The following RPGRIP1 variants were observed in gnomAD, a reference collection of about 807,000 sequenced individuals.
The protein encoded by RPGRIP1 is X-linked retinitis pigmentosa GTPase regulator-interacting protein 1.
A neutral mutation model predicts 157.9 loss-of-function variants in RPGRIP1; 128 were observed. That is an observed-to-expected ratio of 0.81 (90% CI 0.70 to 0.94). RPGRIP1 has a LOEUF of 0.94. RPGRIP1 is among the 40% of genes least tolerant of loss of function. RPGRIP1 has a pLI of 0.00. For missense variants in RPGRIP1, 1,486 were observed against 1,545.8 expected, an observed-to-expected ratio of 0.96 and a Z score of 0.65; for synonymous variants, 554 against 571.6, an observed-to-expected ratio of 0.97 and a Z score of 0.44.
intron 21 of RPGRIP1, among the ~76,000 whole-genome samples, chr14:21,341,083 T>C (rs1030039625): frequency 6.6e-6 from 1 of 152,212 alleles, no homozygotes; most frequent in African/African-American, 2.4e-5. Flanking sequence ...TCTCACTCTG[T>C]TGCCCAGGCT....
chr14:21,335,910 T>A (rs532578363), intron 21 of RPGRIP1, among the ~76,000 whole-genome samples: 33 of 152,350 alleles, frequency 2.2e-4, no homozygotes, highest in African/African-American at 7.0e-4. Context: ...ACAATTACTC[T>A]TAAGTCGCTG....
chr14:21,281,704 A>AAAAATAAT (rs368706187), intron 1 of RPGRIP1, among the ~76,000 whole-genome samples: 2 of 133,996 alleles, frequency 1.5e-5, no homozygotes, highest in African/African-American at 5.9e-5. Context: ...AAAAAAAAAT[A>AAAAATAAT]AATAATAATA....
intron 22 of RPGRIP1, among the ~76,000 whole-genome samples, chr14:21,343,876 T>G (rs1445689901): frequency 5.7e-5 from 3 of 52,456 alleles, no homozygotes; most frequent in Admixed American, 2.0e-4. Context: ...GTTTTTTTTT[T>G]TTTTTTTTTT....
At chr14:21,318,496 G>T (rs754441110) in intron 11 of RPGRIP1, among the ~76,000 whole-genome samples, 4 of 152,026 alleles carry the variant, frequency 2.6e-5, no homozygotes, top group Admixed American at 1.3e-4. Flanking sequence ...TTTTGTTTCT[G>T]AGAGAGTCTC....
In RPGRIP1 at chr14:21,334,114, G is replaced by A. The variant is rs184462663; in HGVS notation, c.3239-491G>A. 3.4e-3 allele frequency among the ~76,000 whole-genome samples: 514 copies of A among 151,990 alleles called. 2 individuals carry two copies. The highest frequency in any genetic ancestry group is 0.012 in the African/African-American group (494 of 41,450). The stretch of plus-strand genomic sequence containing the variant: ...ATTTTGCATTTTTAGTAGAGACGGG[G>A]CTTCACCATGTTGGCCAGGCTGGTC... On this transcript the variant is annotated intron_variant, in intron 20 of 24. Coordinates refer to ENST00000400017, the MANE Select transcript of RPGRIP1 (RefSeq NM_020366.4).
chr14:21,297,500 G>A (rs1209293344), intron 3 of RPGRIP1, among the ~76,000 whole-genome samples: 1 of 152,130 alleles, frequency 6.6e-6, no homozygotes, highest in Non-Finnish European at 1.5e-5. Context: ...ACGGAGGTGA[G>A]GGAAGGTAAA....
At position 21,325,287 on chromosome 14, in the gene RPGRIP1, C is replaced by T. The variant is rs1234509767; in HGVS notation, c.2271C>T (p.Pro757=). The T allele has an allele frequency of 1.2e-6, 2 of 1,613,214 alleles. No homozygotes were observed. Among genetic ancestry groups the T allele is most frequent in the African/African-American group, 2.7e-5 (2 of 74,922 alleles). The stretch of plus-strand genomic sequence containing the variant: ...AGTACTGGATGAGGCTGCGTTTCCC[C>T]ATAAAACCCAGCCTACAGGCGTGCA... The part of the protein sequence containing the change: ...VLEYWMRLRF[P]IKPSLQACNK... Residue 757 remains proline, a synonymous_variant, in exon 16 of 25, where the codon CCC becomes CCT. Coordinates refer to ENST00000400017, the MANE Select transcript of RPGRIP1 (RefSeq NM_020366.4).
At chr14:21,283,963 C>T (rs975933398) in intron 1 of RPGRIP1, among the ~76,000 whole-genome samples, 3 of 152,082 alleles carry the variant, frequency 2.0e-5, no homozygotes, top group Non-Finnish European at 4.4e-5. Context: ...GTCTAACATG[C>T]GAAAGTACTT....
intron 8 of RPGRIP1, chr14:21,310,914 G>C (rs779025532): frequency 1.7e-6 from 1 of 593,702 alleles, no homozygotes; most frequent in Admixed American, 1.9e-5. Flanking sequence ...TATTCTTCTA[G>C]CATGTGTGAG....
chr14:21,307,357 A>C (rs997868803), intron 6 of RPGRIP1, among the ~76,000 whole-genome samples: 16 of 152,206 alleles, frequency 1.1e-4, no homozygotes, highest in Non-Finnish European at 1.9e-4. Flanking sequence ...CCTGGTTCAT[A>C]ATCTTCTTTT....
At chr14:21,326,907 A>T (rs1269983421) in intron 17 of RPGRIP1, among the ~76,000 whole-genome samples, 1 of 152,044 alleles carries the variant, frequency 6.6e-6, no homozygotes, top group East Asian at 1.9e-4. Flanking sequence ...GCTGAGCTCC[A>T]TACTGTCTTT....
chr14:21,340,393 G>T (rs572564166), intron 21 of RPGRIP1, among the ~76,000 whole-genome samples: 18 of 152,290 alleles, frequency 1.2e-4, no homozygotes, highest in Admixed American at 2.0e-4. Context: ...AATGGCTCAC[G>T]CCTGTAGTCC....
At chr14:21,305,725 A>G (rs1453286590) in intron 6 of RPGRIP1, among the ~76,000 whole-genome samples, 1 of 152,038 alleles carries the variant, frequency 6.6e-6, no homozygotes, top group African/African-American at 2.4e-5. Context: ...GCCGGGTGTG[A>G]TGGCTCATGC....
chr14:21,345,213 C>T lies in RPGRIP1; in HGVS notation c.3617+16C>T. ...ATCAAGGACAGTAAGCATCTGCTTTCCACTTTGAAACAAAGGAGATATTGA... is the reference window on the plus strand; with the variant it reads ...ATCAAGGACAGTAAGCATCTGCTTTTCACTTTGAAACAAAGGAGATATTGA... On this transcript the variant is annotated intron_variant, in intron 23 of 24. Transcript: ENST00000400017. The T allele has an allele frequency of 1.3e-6, 2 of 1,588,212 alleles. No homozygotes were observed. Among genetic ancestry groups the T allele is most frequent in the Non-Finnish European group, 1.7e-6 (2 of 1,159,718 alleles).
chr14:21,306,105 T>A lies in RPGRIP1; in HGVS notation c.801-1626T>A, dbSNP rs1205386347. ...AAACGTGAGCTCCTAGGTTCAGGAA[T>A]AATAGTCTTTTTTTTTTTTTTTTTT... On this transcript the variant is annotated intron_variant, in intron 6 of 24. Coordinates refer to ENST00000400017, the MANE Select transcript of RPGRIP1 (RefSeq NM_020366.4). Among the ~76,000 whole-genome samples the A allele has an allele frequency of 2.3e-5, 3 of 131,602 alleles. No homozygotes were observed. The Admixed American group carries it at 2.5e-4, about 11-fold the overall frequency. 86.3% of individuals were successfully genotyped at this position (131,602 alleles called of 152,430 possible). A position where few individuals can be genotyped will look rare whatever the true frequency, so the allele number is the denominator to read the frequency against.
At chr14:21,320,272 A>G (rs1360141416) in intron 12 of RPGRIP1, 95 bp downstream of exon 12, 12 of 1,182,864 alleles carry the variant, frequency 1.0e-5, no homozygotes, top group Non-Finnish European at 1.2e-5. Flanking sequence ...CTAACTAAAT[A>G]ATATTTTGTC....
Position 21,307,819 on chromosome 14 carries a change from T to A in RPGRIP1, c.889T>A (p.Leu297Ile). The A allele has an allele frequency of 6.4e-7, 1 of 1,558,868 alleles. No individual in the cohort carries two copies. Residue 297 changes from leucine to isoleucine, a missense_variant, in exon 7 of 25, where the codon TTA becomes ATA. Coordinates refer to ENST00000400017, the MANE Select transcript of RPGRIP1 (RefSeq NM_020366.4). ...TTCATTGGTTATGACAAAAGCACAATTAACAGAAGTTCAAGAGGTGAGTTG... is the reference window on the plus strand; with the variant it reads ...TTCATTGGTTATGACAAAAGCACAAATAACAGAAGTTCAAGAGGTGAGTTG... The part of the protein sequence containing the change: ...NASLVMTKAQ[L>I]TEVQEAYETL...
At chr14:21,325,734 C>A in intron 16 of RPGRIP1, 97 bp from the exon 17 acceptor site, 1 of 898,426 alleles carries the variant, frequency 1.1e-6, no homozygotes, top group Non-Finnish European at 1.7e-6. Flanking sequence ...GATAGCTGTT[C>A]TCTAGATCAT....
intron 11 of RPGRIP1, among the ~76,000 whole-genome samples, chr14:21,319,426 G>A (rs957697338): frequency 1.3e-5 from 2 of 152,186 alleles, no homozygotes; most frequent in African/African-American, 4.8e-5. Flanking sequence ...GCCAGTCGTA[G>A]TGTCGTGCGC....
Sources: gnomAD v4.1 joint callset for allele counts (sites outside exome capture counted in the v4.1 genomes callset) on GRCh38, gnomAD v4.1.1 for gene constraint, MANE v1.5 for transcripts, NCBI Gene and HGNC (gene_info 2026-07-23, HGNC 2026-07-21) for gene names.